Variants in CACNA2D3 observed in about 807,000 individuals in gnomAD.
CACNA2D3 encodes the protein calcium voltage-gated channel auxiliary subunit alpha2delta 3.
CACNA2D3 carries 60 observed loss-of-function variants against 160.6 expected under a neutral mutation model. The ratio of observed to expected loss-of-function variants is 0.37; its 90% confidence interval spans 0.30 to 0.46. The LOEUF (loss-of-function observed/expected upper bound fraction) is 0.46, where lower values mean the gene tolerates loss of function less well. Among genes scored for constraint, CACNA2D3 ranks in the 20% least tolerant of loss-of-function variants. The probability of loss-of-function intolerance (pLI) is 1.00; values close to 1 mark genes in which losing one functional copy is unlikely to be tolerated. For synonymous variants in CACNA2D3, 558 were observed against 492.9 expected (o/e 1.13, Z -1.75); for missense variants, 1,205 against 1,365.0 (o/e 0.88, Z 1.85).
intron 11 of CACNA2D3, among the ~76,000 whole-genome samples, chr3:54,685,556 A>G (rs934260885): frequency 6.6e-6 from 1 of 152,236 alleles, no homozygotes; most frequent in Non-Finnish European, 1.5e-5. Context: ...ACTAAGAAAC[A>G]GATCCTGGGG....
At chr3:54,647,649 G>A (rs1223777114) in intron 11 of CACNA2D3, among the ~76,000 whole-genome samples, 6 of 152,160 alleles carry the variant, frequency 3.9e-5, no homozygotes, top group African/African-American at 1.4e-4. Context: ...AACAGACCAG[G>A]GGGGGCATTT....
chr3:54,215,143 A>G (rs937721591), intron 2 of CACNA2D3, among the ~76,000 whole-genome samples: 8 of 152,252 alleles, frequency 5.3e-5, no homozygotes, highest in African/African-American at 1.9e-4. Flanking sequence ...TTGTGGAGAG[A>G]GAGAAAAGTT....
chr3:54,869,769 T>C (rs1277268874), intron 17 of CACNA2D3, among the ~76,000 whole-genome samples: 1 of 152,212 alleles, frequency 6.6e-6, no homozygotes, highest in African/African-American at 2.4e-5. Flanking sequence ...ACAACTCCGG[T>C]TGACCTCGTT....
chr3:54,733,917 G>T (rs570406453), intron 11 of CACNA2D3, among the ~76,000 whole-genome samples: 1 of 152,002 alleles, frequency 6.6e-6, no homozygotes, highest in African/African-American at 2.4e-5. Flanking sequence ...TATGCCATCT[G>T]CACAAAGTAC....
intron 11 of CACNA2D3, among the ~76,000 whole-genome samples, chr3:54,698,673 T>C (rs1559552638): frequency 6.6e-6 from 1 of 152,168 alleles, no homozygotes; most frequent in Non-Finnish European, 1.5e-5. Flanking sequence ...AGCAGAATTC[T>C]TATAGTTGGA....
At chr3:54,723,419 A>G (rs2106993706) in intron 11 of CACNA2D3, among the ~76,000 whole-genome samples, 1 of 152,288 alleles carries the variant, frequency 6.6e-6, no homozygotes, top group East Asian at 1.9e-4. Context: ...TCTTGCTGGC[A>G]TTCCAGGCGC....
chr3:54,323,203 T>A (rs1447579476), intron 3 of CACNA2D3, among the ~76,000 whole-genome samples: 1 of 152,240 alleles, frequency 6.6e-6, no homozygotes, highest in African/African-American at 2.4e-5. Flanking sequence ...AGGGAAGCAG[T>A]GAGTGTGACT....
chr3:54,721,842 A>AT (rs1010288083), intron 11 of CACNA2D3, among the ~76,000 whole-genome samples: 2 of 151,352 alleles, frequency 1.3e-5, no homozygotes, highest in African/African-American at 2.4e-5. Context: ...CTGCCTTAAC[A>AT]TTTTTTCCTT....
At position 55,018,301 on chromosome 3, in the gene CACNA2D3, T is replaced by G; in HGVS notation, c.2971T>G (p.Cys991Gly). ...TIKETTGNIACEDCSKSFVIQ... is the reference protein window; with the variant it reads ...TIKETTGNIAGEDCSKSFVIQ... ...CAAGGAGACTACAGGGAATATTGCT[T>G]GTGAAGACTGCTCCAAGTAAGCCAT... Residue 991 changes from cysteine (C) to glycine (G), a missense_variant, in exon 35 of 38, where the codon TGT (cysteine) becomes GGT (glycine). Transcript: ENST00000474759. 2 of 1,608,810 alleles carry G rather than the reference T, an allele frequency of 1.2e-6. No homozygotes were observed. The highest frequency in any genetic ancestry group is 1.7e-6 in the Non-Finnish European group (2 of 1,175,574).
At chr3:54,137,791 G>A (rs1273429629) in intron 2 of CACNA2D3, among the ~76,000 whole-genome samples, 4 of 151,502 alleles carry the variant, frequency 2.6e-5, no homozygotes, top group East Asian at 1.9e-4. Flanking sequence ...ACTCTACTCT[G>A]TTTTCTATTC....
Position 54,359,374 on chromosome 3 carries a change from A to G in CACNA2D3, c.322-27341A>G, listed in dbSNP as rs576690625. Among the ~76,000 whole-genome samples the G allele has an allele frequency of 7.2e-5, 11 of 152,308 alleles. No individual in the cohort carries two copies. The South Asian group carries it at 2.1e-3, about 29-fold the overall frequency. On this transcript the variant is annotated intron_variant, in intron 3 of 37. Transcript: ENST00000474759. ...CAGTATGAATTTGTCAGGCATGGGTAGAGGTCAGAGTGTGTGTTTTGGCAT... is the reference window on the plus strand; with the variant it reads ...CAGTATGAATTTGTCAGGCATGGGTGGAGGTCAGAGTGTGTGTTTTGGCAT...
At chr3:54,466,160 T>G (rs1700621994) in intron 4 of CACNA2D3, among the ~76,000 whole-genome samples, 1 of 152,202 alleles carries the variant, frequency 6.6e-6, no homozygotes, top group Admixed American at 6.5e-5. Flanking sequence ...ACTCAAGACT[T>G]TAATTTCATC....
chr3:54,918,222 T>C lies in CACNA2D3; in HGVS notation c.2449+18354T>C, dbSNP rs1170101123. The C allele has an allele frequency of 4.3e-5, 20 of 462,562 alleles. No individual in the cohort carries two copies. In the East Asian group the frequency reaches 6.9e-4, roughly 16 times the overall value. 28.7% of individuals were successfully genotyped at this position (462,562 alleles called of 1,614,324 possible). On this transcript the variant is annotated intron_variant, in intron 27 of 37. Coordinates refer to ENST00000474759, the MANE Select transcript of CACNA2D3 (RefSeq NM_018398.3). ...CCCCACATAGAATCGTCGTAATAAC[T>C]TCCCAGGCCCAGAGCACAAGTATCA...
At chr3:54,251,688 A>G (rs1220694622) in intron 2 of CACNA2D3, among the ~76,000 whole-genome samples, 1 of 152,212 alleles carries the variant, frequency 6.6e-6, no homozygotes, top group African/African-American at 2.4e-5. Flanking sequence ...CTTCCTAAAC[A>G]GTGTTTAGTT....
rs138289393 is a variant in CACNA2D3, at chr3:54,285,848, A to G, written c.205-34594A>G. On this transcript the variant is annotated intron_variant, in intron 2 of 37. Transcript: ENST00000474759. ...TGGAGTGGACCTCTAGCACACTTCA[A>G]CAGACCTGCAGCTGAGGGTCCTGTC... 3.7e-3 allele frequency among the ~76,000 whole-genome samples: 566 copies of G among 152,360 alleles called. 8 individuals are homozygous for G. Among genetic ancestry groups the G allele is most frequent in the African/African-American group, 0.012 (513 of 41,574 alleles).
rs60764348 is a variant in CACNA2D3 at position 54,284,144 on chromosome 3, G to T, written c.205-36298G>T. Among the ~76,000 whole-genome samples the T allele has an allele frequency of 7.3e-3, 1,110 of 152,180 alleles. 19 individuals are homozygous for T. The highest frequency in any genetic ancestry group is 0.063 in the East Asian group (326 of 5,192). On this transcript the variant is annotated intron_variant, in intron 2 of 37. Transcript: ENST00000474759. ...TTAAAACCTTTTTCCCTTTTAAATG[G>T]TTAAAATATTTAAGCTAATGCTAAA...
intron 2 of CACNA2D3, among the ~76,000 whole-genome samples, chr3:54,281,359 T>G (rs112852817): frequency 2.6e-5 from 4 of 152,190 alleles, no homozygotes; most frequent in African/African-American, 9.7e-5. Context: ...GTATCCAGAT[T>G]GCCGAAAAAC....
At chr3:54,286,419 T>C (rs1703028365) in intron 2 of CACNA2D3, among the ~76,000 whole-genome samples, 1 of 152,156 alleles carries the variant, frequency 6.6e-6, no homozygotes, top group Admixed American at 6.5e-5. Context: ...CCAAGAAATA[T>C]GGAACTATGT....
intron 27 of CACNA2D3, among the ~76,000 whole-genome samples, chr3:54,942,899 C>CT (rs549377776): frequency 5.3e-5 from 8 of 152,154 alleles, no homozygotes; most frequent in Non-Finnish European, 1.2e-4. Context: ...TGGCACGTGC[C>CT]TGTAGTCCCA....
Sources: gnomAD v4.1 joint callset for allele counts (sites outside exome capture counted in the v4.1 genomes callset) on GRCh38, gnomAD v4.1.1 for gene constraint, MANE v1.5 for transcripts, NCBI Gene and HGNC (gene_info 2026-07-23, HGNC 2026-07-21) for gene names.